Variants in CNBD1 observed in about 807,000 individuals in gnomAD.
CNBD1 encodes cyclic nucleotide binding domain containing 1.
A neutral mutation model predicts 54.4 loss-of-function variants in CNBD1; 71 were observed. The ratio of observed to expected loss-of-function variants is 1.30; its 90% CI spans 1.08 to 1.59. The LOEUF (loss-of-function observed/expected upper bound fraction) is 1.59, where lower values mean the gene tolerates loss of function less well. Among genes scored for constraint, CNBD1 ranks in the 40% most tolerant of loss-of-function variants. The probability of loss-of-function intolerance (pLI) is 0.00; values close to 1 mark genes in which losing one functional copy is unlikely to be tolerated. For missense variants in CNBD1, 659 were observed against 518.0 expected, an observed-to-expected ratio of 1.27 and a Z score of -2.64; for synonymous variants, 182 against 170.7, an observed-to-expected ratio of 1.07 and a Z score of -0.51.
At chr8:87,236,164 G>A (rs961683318) in intron 5 of CNBD1, among the ~76,000 whole-genome samples, 2 of 152,112 alleles carry the variant, frequency 1.3e-5, no homozygotes. Flanking sequence ...TGAGTAATTT[G>A]CTTCAATCTT....
At chr8:87,425,951 C>T (rs1313979132) in intron 2 of CNBD1, among the ~76,000 whole-genome samples, 3 of 152,188 alleles carry the variant, frequency 2.0e-5, no homozygotes, top group African/African-American at 2.4e-5. Context: ...TCTCAGACTG[C>T]TGTGCTAGCA....
intron 4 of CNBD1, among the ~76,000 whole-genome samples, chr8:87,192,182 C>T (rs1813625720): frequency 6.6e-6 from 1 of 152,068 alleles, no homozygotes. Flanking sequence ...ACAACTAATT[C>T]ATAAAATTAT....
chr8:87,223,019 G>A (rs529357660), intron 5 of CNBD1, among the ~76,000 whole-genome samples: 1 of 149,136 alleles, frequency 6.7e-6, no homozygotes, highest in South Asian at 2.1e-4. Flanking sequence ...TTAATGGGCT[G>A]GAAATCAGTA....
At chr8:87,035,385 G>C (rs1179068543) in intron 4 of CNBD1, among the ~76,000 whole-genome samples, 1 of 152,130 alleles carries the variant, frequency 6.6e-6, no homozygotes, top group South Asian at 2.1e-4. Context: ...CCCCAGTGAT[G>C]TTAGCCTCAT....
intron 4 of CNBD1, among the ~76,000 whole-genome samples, chr8:86,960,686 T>C (rs974229197): frequency 3.9e-5 from 6 of 152,134 alleles, no homozygotes; most frequent in Non-Finnish European, 7.4e-5. Context: ...GACTGCCTCC[T>C]CAAGTGGGTC....
At chr8:87,149,484 GA>G (rs1396145137) in intron 4 of CNBD1, among the ~76,000 whole-genome samples, 1 of 152,216 alleles carries the variant, frequency 6.6e-6, no homozygotes, top group African/African-American at 2.4e-5. Context: ...TGCACAGGAA[GA>G]AATGTATGTG....
At chr8:87,423,394 A>G (rs1807980985) in intron 2 of CNBD1, among the ~76,000 whole-genome samples, 1 of 151,102 alleles carries the variant, frequency 6.6e-6, no homozygotes, top group Admixed American at 6.6e-5. Context: ...CCCATTCAGT[A>G]TGATATTGGC....
intron 10 of CNBD1, among the ~76,000 whole-genome samples, chr8:87,373,368 G>T (rs1810859299): frequency 6.6e-6 from 1 of 151,736 alleles, no homozygotes; most frequent in Non-Finnish European, 1.5e-5. Context: ...AACATAATTT[G>T]GAGTGCTGCT....
intron 4 of CNBD1, among the ~76,000 whole-genome samples, chr8:86,989,323 A>ACATG (rs1554637064): frequency 5.3e-5 from 8 of 151,946 alleles, no homozygotes; most frequent in African/African-American, 1.9e-4. Context: ...ATACATACAT[A>ACATG]CATACATACA....
intron 10 of CNBD1, among the ~76,000 whole-genome samples, chr8:87,364,207 A>G (rs980344422): frequency 1.3e-5 from 2 of 151,390 alleles, no homozygotes; most frequent in Non-Finnish European, 2.9e-5. Context: ...ATTGTATATC[A>G]CATATATTTA....
At chr8:87,243,889 G>A (rs190973260) in intron 6 of CNBD1, among the ~76,000 whole-genome samples, 2 of 152,048 alleles carry the variant, frequency 1.3e-5, no homozygotes, top group Non-Finnish European at 2.9e-5. Flanking sequence ...TTGCTGTTTA[G>A]TATTGATCTA....
intron 8 of CNBD1, among the ~76,000 whole-genome samples, chr8:87,301,742 A>G (rs960087885): frequency 6.6e-6 from 1 of 152,202 alleles, no homozygotes; most frequent in Non-Finnish European, 1.5e-5. Context: ...ATAGACCACT[A>G]GCAAGACTGA....
At chr8:87,080,024 T>C (rs906490759) in intron 4 of CNBD1, among the ~76,000 whole-genome samples, 4 of 152,200 alleles carry the variant, frequency 2.6e-5, no homozygotes, top group African/African-American at 9.6e-5. Context: ...ATTGTTTCCA[T>C]ATTGATATTC....
At chr8:87,410,396 C>T (rs1807721380) in intron 2 of CNBD1, among the ~76,000 whole-genome samples, 1 of 152,046 alleles carries the variant, frequency 6.6e-6, no homozygotes, top group African/African-American at 2.4e-5. Flanking sequence ...ATTCTGGATG[C>T]CATTAAGAAT....
At chr8:87,061,460 A>G (rs1810545195) in intron 4 of CNBD1, among the ~76,000 whole-genome samples, 1 of 152,196 alleles carries the variant, frequency 6.6e-6, no homozygotes, top group Admixed American at 6.5e-5. Context: ...TCTAATCATA[A>G]AGATTCAATC....
At chr8:87,291,322 T>C (rs953597611) in intron 8 of CNBD1, among the ~76,000 whole-genome samples, 1 of 152,162 alleles carries the variant, frequency 6.6e-6, no homozygotes, top group Non-Finnish European at 1.5e-5. Context: ...TTACCCCTCA[T>C]TTCAGTATAT....
At chr8:87,219,481 T>C (rs1814280292) in intron 5 of CNBD1, among the ~76,000 whole-genome samples, 1 of 151,880 alleles carries the variant, frequency 6.6e-6, no homozygotes, top group South Asian at 2.1e-4. Context: ...TAACCACAAA[T>C]CAATGAATAC....
chr8:87,226,430 G>A (rs868177853), intron 5 of CNBD1, among the ~76,000 whole-genome samples: 6 of 149,162 alleles, frequency 4.0e-5, no homozygotes, highest in Admixed American at 2.0e-4. Flanking sequence ...CAGAGATTCT[G>A]GTATGTTGTG....
rs1808455877 is a variant in CNBD1, at chr8:87,275,401, C to T, written c.772-9277C>T. On this transcript the variant is annotated intron_variant, in intron 6 of 10. Coordinates refer to ENST00000518476, the MANE Select transcript of CNBD1 (RefSeq NM_173538.3). ...TTTTCACGATATTGATTCTTCCTAC[C>T]CATGAGCATGGAATGTTCTTCCATT... Among the ~76,000 whole-genome samples the T allele has an allele frequency of 2.6e-5, 4 of 151,972 alleles. No homozygotes were observed. The South Asian group carries it at 8.3e-4, about 32-fold the overall frequency.
Sources: allele counts gnomAD v4.1 joint callset (sites outside exome capture counted in the v4.1 genomes callset), GRCh38; gene constraint gnomAD v4.1.1; transcripts MANE v1.5; gene names NCBI Gene and HGNC (gene_info 2026-07-23, HGNC 2026-07-21).